Variants in PLXNA4 observed in about 807,000 individuals in gnomAD.
PLXNA4 encodes the protein plexin A4.
A neutral mutation model predicts 191.8 loss-of-function variants in PLXNA4; 44 were observed. The ratio of observed to expected loss-of-function variants is 0.23; its 90% CI spans 0.18 to 0.29. PLXNA4 has a LOEUF of 0.29. Ranked by LOEUF, PLXNA4 falls within the 10% of genes least tolerant of loss-of-function variation. The probability of loss-of-function intolerance (pLI) is 1.00; values close to 1 mark genes in which losing one functional copy is unlikely to be tolerated. For synonymous variants in PLXNA4, 1,082 were observed against 1,009.5 expected (o/e 1.07, Z -1.36); for missense variants, 1,800 against 2,488.8 (o/e 0.72, Z 5.89).
chr7:132,347,722 G>A (rs550123603), intron 3 of PLXNA4, among the ~76,000 whole-genome samples: 1 of 152,232 alleles, frequency 6.6e-6, no homozygotes, highest in South Asian at 2.1e-4. Flanking sequence ...GGGAAGGCAG[G>A]TGCCCATGAT....
At chr7:132,332,140 C>G (rs149917074) in intron 3 of PLXNA4, among the ~76,000 whole-genome samples, 4 of 152,354 alleles carry the variant, frequency 2.6e-5, no homozygotes, top group Non-Finnish European at 4.4e-5. Flanking sequence ...CCTCTTTCCT[C>G]TGCCTTCTTG....
intron 3 of PLXNA4, among the ~76,000 whole-genome samples, chr7:132,414,638 C>T (rs995508977): frequency 6.6e-6 from 1 of 152,180 alleles, no homozygotes; most frequent in Non-Finnish European, 1.5e-5. Context: ...CCCATAACCA[C>T]AGAAAGTACT....
chr7:132,367,390 G>A (rs187541667), intron 3 of PLXNA4, among the ~76,000 whole-genome samples: 19 of 152,172 alleles, frequency 1.2e-4, no homozygotes, highest in Non-Finnish European at 1.9e-4. Flanking sequence ...GACAGCAAGT[G>A]GGCAGCGTAC....
At chr7:132,328,511 C>T (rs140548832) in intron 3 of PLXNA4, among the ~76,000 whole-genome samples, 20 of 152,316 alleles carry the variant, frequency 1.3e-4, no homozygotes, top group African/African-American at 4.6e-4. Flanking sequence ...CACCTCTGTT[C>T]CAGTGGAATC....
At chr7:132,350,375 G>A (rs918350641) in intron 3 of PLXNA4, among the ~76,000 whole-genome samples, 5 of 152,058 alleles carry the variant, frequency 3.3e-5, no homozygotes, top group Non-Finnish European at 7.4e-5. Flanking sequence ...GCATGGTGGT[G>A]CGCACCTGTA....
intron 3 of PLXNA4, among the ~76,000 whole-genome samples, chr7:132,309,624 C>A (rs1801653003): frequency 6.6e-6 from 1 of 152,150 alleles, no homozygotes; most frequent in South Asian, 2.1e-4. Context: ...CTGGGGCTGG[C>A]ACAGTCCATG....
At chr7:132,211,218 G>A (rs1797790848) in intron 9 of PLXNA4, 75 bp from the exon 10 acceptor site, 22 of 1,453,738 alleles carry the variant, frequency 1.5e-5, no homozygotes, top group Middle Eastern at 1.7e-4. Context: ...GACATAACCC[G>A]GATGTTCCCT....
intron 1 of PLXNA4, among the ~76,000 whole-genome samples, chr7:132,548,243 C>T (rs1585314894): frequency 1.3e-5 from 2 of 152,194 alleles, no homozygotes; most frequent in Admixed American, 1.3e-4. Context: ...GAGTTCTAGA[C>T]TCCCCTAGCC....
chr7:132,161,283 C>T (rs763556637), intron 24 of PLXNA4, among the ~76,000 whole-genome samples: 6 of 152,246 alleles, frequency 3.9e-5, no homozygotes, highest in Non-Finnish European at 5.9e-5. Flanking sequence ...AGGAATTCAG[C>T]GTGGCCTCAT....
rs1280604020 is a variant in PLXNA4 at position 132,133,071 on chromosome 7, T to A, written c.5567A>T (p.Tyr1856Phe). 1 of 1,614,148 alleles carries A rather than the reference T, an allele frequency of 6.2e-7. No homozygotes were observed. The highest frequency in any genetic ancestry group is 2.2e-5 in the East Asian group (1 of 44,884). ...TMSALSEIFS[Y>F]VGKYSEEILG... ...TACCTCCTCGCTGTATTTGCCCACA[T>A]AGGAGAAGATCTCTGAGAGTGCACT... The change falls in exon 31 of 32, where the codon TAT becomes TTT. Residue 1856 changes from tyrosine (Y) to phenylalanine (F), a missense_variant. Around this residue, in one of 6 missense-constraint regions of PLXNA4, gnomAD observed 83 missense variants for 81.6 expected, o/e 1.02. Transcript: ENST00000321063.
intron 5 of PLXNA4, among the ~76,000 whole-genome samples, chr7:132,240,799 C>T (rs568427281): frequency 6.6e-6 from 1 of 152,190 alleles, no homozygotes; most frequent in African/African-American, 2.4e-5. Context: ...TGTATGATTG[C>T]CCAGCATGAC....
At chr7:132,647,889 C>A (rs2116899618) in intron 1 of PLXNA4, among the ~76,000 whole-genome samples, 1 of 151,412 alleles carries the variant, frequency 6.6e-6, no homozygotes. Context: ...CCACATTCTT[C>A]CATATATACT....
intron 20 of PLXNA4, among the ~76,000 whole-genome samples, chr7:132,177,676 G>C (rs1241558607): frequency 6.6e-6 from 1 of 152,168 alleles, no homozygotes; most frequent in Non-Finnish European, 1.5e-5. Flanking sequence ...TTTCCTTTAA[G>C]TCACCAAGCG....
intron 5 of PLXNA4, among the ~76,000 whole-genome samples, chr7:132,229,413 A>G (rs6959770): frequency 0.42 from 63,395 of 152,006 alleles, 13,847 homozygotes; most frequent in East Asian, 0.7. Flanking sequence ...CACTGCATGG[A>G]GGCATCTGAA....
At chr7:132,405,584 G>C (rs1196337029) in intron 3 of PLXNA4, among the ~76,000 whole-genome samples, 1 of 152,166 alleles carries the variant, frequency 6.6e-6, no homozygotes, top group Non-Finnish European at 1.5e-5. Context: ...GGCTTAGCAG[G>C]CCTCCTCAAT....
chr7:132,356,933 T>C (rs904476000), intron 3 of PLXNA4, among the ~76,000 whole-genome samples: 1 of 151,990 alleles, frequency 6.6e-6, no homozygotes, highest in Non-Finnish European at 1.5e-5. Flanking sequence ...GGGATTCTAA[T>C]TAGAGGATGA....
chr7:132,554,898 G>A (rs1800721335), intron 1 of PLXNA4, among the ~76,000 whole-genome samples: 1 of 152,150 alleles, frequency 6.6e-6, no homozygotes, highest in South Asian at 2.1e-4. Flanking sequence ...AACATTAGCA[G>A]ATGCCCCATC....
chr7:132,410,575 C>G (rs1044757964), intron 3 of PLXNA4, among the ~76,000 whole-genome samples: 3 of 152,180 alleles, frequency 2.0e-5, no homozygotes, highest in African/African-American at 7.2e-5. Context: ...CATTTATGAG[C>G]TGACAACCAG....
chr7:132,225,298 C>G (rs1214655545), intron 8 of PLXNA4, among the ~76,000 whole-genome samples: 1 of 152,200 alleles, frequency 6.6e-6, no homozygotes, highest in African/African-American at 2.4e-5. Context: ...GCCCTTTTAC[C>G]CCTTGTGGCT....
Sources: allele counts gnomAD v4.1 joint callset (sites outside exome capture counted in the v4.1 genomes callset), GRCh38; gene constraint gnomAD v4.1.1; regional missense constraint gnomAD v4.1.1; transcripts MANE v1.5; gene names NCBI Gene and HGNC (gene_info 2026-07-23, HGNC 2026-07-21).